ZDHHC22: variants seen among roughly 807,000 people sequenced by gnomAD.
ZDHHC22 encodes zDHHC palmitoyltransferase 22.
A neutral mutation model predicts 17.0 loss-of-function variants in ZDHHC22; 13 were observed. That is an observed-to-expected ratio of 0.76 (90% confidence interval 0.50 to 1.21). ZDHHC22 has a LOEUF of 1.21. Among genes scored for constraint, ZDHHC22 ranks in the 50% most tolerant of loss-of-function variants. ZDHHC22 has a pLI of 0.00. For missense variants in ZDHHC22, 319 were observed against 342.3 expected (o/e 0.93, Z 0.54); for synonymous variants, 138 against 154.7 (o/e 0.89, Z 0.80).
Position 77,141,790 on chromosome 14 carries a change from G to C in ZDHHC22, c.-202C>G, listed in dbSNP as rs1348204446. ...TTCCCACTTGGGCGCCAGCGAGTAA[G>C]GGCCAGGAAGCGGCGGGGATGGCAG... On this transcript the variant is annotated 5_prime_UTR_variant, in exon 1 of 3. Transcript: ENST00000319374. 6.6e-6 allele frequency: 1 copy of C among 152,266 alleles called. No individual in the cohort carries two copies. The highest frequency in any genetic ancestry group is 1.5e-5 in the Non-Finnish European group (1 of 68,080). The allele number at this position is 152,266 out of a possible 1,614,324, so 9.4% of individuals were successfully genotyped here. A position where few individuals can be genotyped will look rare whatever the true frequency, so the allele number is the denominator to read the frequency against.
chr14:77,132,036 GGACATT>G lies in ZDHHC22; in HGVS notation c.*1641_*1646del, dbSNP rs1412591219. On this transcript the variant is annotated 3_prime_UTR_variant, in exon 3 of 3. Coordinates refer to ENST00000319374, the MANE Select transcript of ZDHHC22 (RefSeq NM_174976.2). Reference sequence around the variant, plus strand: ...CAGCGGGTCACTGCAGTTGGCGGTTGGACATTGCAGGGCATGGATTCAGCACTGCTG... The same window carrying G: ...CAGCGGGTCACTGCAGTTGGCGGTTGGCAGGGCATGGATTCAGCACTGCTG... The G allele has an allele frequency of 6.6e-6, 1 of 152,214 alleles. No individual in the cohort carries two copies. Among genetic ancestry groups the G allele is most frequent in the African/African-American group, 2.4e-5 (1 of 41,424 alleles). 9.4% of individuals were successfully genotyped at this position (152,214 alleles called of 1,614,324 possible).
intron 2 of ZDHHC22, among the ~76,000 whole-genome samples, chr14:77,137,085 A>T (rs535646552): frequency 6.6e-6 from 1 of 152,276 alleles, no homozygotes; most frequent in Non-Finnish European, 1.5e-5. Context: ...GGGTGCTACC[A>T]ACTGTTCGGA....
At chr14:77,133,997 C>T (rs1439813079) in intron 2 of ZDHHC22, 49 bp from the exon 3 acceptor site, 3 of 1,506,282 alleles carry the variant, frequency 2.0e-6, no homozygotes, top group Non-Finnish European at 1.8e-6. Context: ...ACACCCAGGC[C>T]ACCGGCATAA....
intron 2 of ZDHHC22, 103 bp from the exon 3 acceptor site, chr14:77,134,051 T>G (rs1455748163): frequency 7.4e-7 from 1 of 1,346,832 alleles, no homozygotes; most frequent in Non-Finnish European, 9.9e-7. Flanking sequence ...GGGAGATTAA[T>G]GAGATTGACG....
chr14:77,134,084 C>G (rs1887089706), intron 2 of ZDHHC22, 136 bp from the exon 3 acceptor site: 1 of 1,165,842 alleles, frequency 8.6e-7, no homozygotes, highest in Non-Finnish European at 1.2e-6. Context: ...GCAACCTCAG[C>G]GCTGCAGCTG....
chr14:77,139,749 A>C lies in ZDHHC22; in HGVS notation c.-11T>G. Reference sequence around the variant, plus strand: ...CCGCAGGGCCAGCATCCTCGATTACATTCCTGCGGGGCCCGGGGTGAGAAG... The same window carrying C: ...CCGCAGGGCCAGCATCCTCGATTACCTTCCTGCGGGGCCCGGGGTGAGAAG... On this transcript the variant is annotated 5_prime_UTR_variant, in exon 2 of 3. It removes an upstream start codon present in the reference 5' UTR. Transcript: ENST00000319374. 6.8e-7 allele frequency: 1 copy of C among 1,480,370 alleles called. No homozygotes were observed. 91.7% of individuals were successfully genotyped at this position (1,480,370 alleles called of 1,614,324 possible). A position where few individuals can be genotyped will look rare whatever the true frequency, so the allele number is the denominator to read the frequency against.
rs1279870813 is a variant in ZDHHC22 at position 77,133,368 on chromosome 14, C to A, written c.*315G>T. On this transcript the variant is annotated 3_prime_UTR_variant, in exon 3 of 3. Coordinates refer to ENST00000319374, the MANE Select transcript of ZDHHC22 (RefSeq NM_174976.2). ...GCAGACAGCAGTGATGAATGAGACA[C>A]GGTGGAGAATGGATGAGCCAGGAAG... is the stretch of plus-strand genomic sequence containing the variant. 9.4e-6 allele frequency: 3 copies of A among 319,274 alleles called. No individual in the cohort carries two copies. Among genetic ancestry groups the A allele is most frequent in the Admixed American group, 4.6e-5 (1 of 21,658 alleles). 19.8% of individuals were successfully genotyped at this position (319,274 alleles called of 1,614,324 possible). A position where few individuals can be genotyped will look rare whatever the true frequency, so the allele number is the denominator to read the frequency against.
chr14:77,137,716 A>G (rs550192924), intron 2 of ZDHHC22, among the ~76,000 whole-genome samples: 2 of 152,328 alleles, frequency 1.3e-5, no homozygotes, highest in South Asian at 4.1e-4. Context: ...GCCAAATGGC[A>G]TGATAGTTCT....
At chr14:77,138,025 C>T (rs931104095) in intron 2 of ZDHHC22, among the ~76,000 whole-genome samples, 2 of 152,146 alleles carry the variant, frequency 1.3e-5, no homozygotes, top group East Asian at 3.8e-4. Context: ...GTCTGAGTCT[C>T]GGTTTCATCA....
rs1306445118 is a variant in ZDHHC22, at chr14:77,140,184, G to A, written c.-14-432C>T. On this transcript the variant is annotated intron_variant, in intron 1 of 2. Transcript: ENST00000319374. The surrounding 1 kb of genome is among the most constrained non-coding windows in gnomAD (Gnocchi z 5.9). ...AGAAAGGGAAGGATTTGGGGTCGGGGGCAGGAGAATCAGCGGCACTTGACC... is the reference window on the plus strand; with the variant it reads ...AGAAAGGGAAGGATTTGGGGTCGGGAGCAGGAGAATCAGCGGCACTTGACC... Among the ~76,000 whole-genome samples the A allele has an allele frequency of 6.6e-6, 1 of 152,106 alleles. No homozygotes were observed. The highest frequency in any genetic ancestry group is 1.5e-5 in the Non-Finnish European group (1 of 67,996).
chr14:77,136,095 T>C (rs1200020775), intron 2 of ZDHHC22, among the ~76,000 whole-genome samples: 5 of 152,202 alleles, frequency 3.3e-5, no homozygotes, highest in Non-Finnish European at 5.9e-5. Context: ...TCACCCAGCA[T>C]ACTTTTTAAT....
chr14:77,135,190 T>TGGGG (rs11350828), intron 2 of ZDHHC22, among the ~76,000 whole-genome samples: 2,842 of 142,616 alleles, frequency 0.02, 68 homozygotes, highest in Admixed American at 0.04. Context: ...CCTCCTCTGG[T>TGGGG]GGGGGGGGGG....
intron 2 of ZDHHC22, 57 bp from the exon 3 acceptor site, chr14:77,134,005 T>A (rs1887087988): frequency 4.0e-6 from 6 of 1,490,340 alleles, no homozygotes; most frequent in Non-Finnish European, 5.4e-6. Flanking sequence ...GCCACCGGCA[T>A]AACTGCGATC....
At chr14:77,135,131 A>T (rs548562720) in intron 2 of ZDHHC22, among the ~76,000 whole-genome samples, 1 of 151,080 alleles carries the variant, frequency 6.6e-6, no homozygotes, top group Admixed American at 6.6e-5. Context: ...CCTGGAGTTA[A>T]TTCGAAAGTA....
chr14:77,138,226 A>G lies in ZDHHC22; in HGVS notation c.526+987T>C, dbSNP rs931202784. ...CCAGGAGCTGAGTCCTTCTAGGGCCAGGTATCAGGTAGTGGTCCTTGGTGC... is the reference window on the plus strand; with the variant it reads ...CCAGGAGCTGAGTCCTTCTAGGGCCGGGTATCAGGTAGTGGTCCTTGGTGC... On this transcript the variant is annotated intron_variant, in intron 2 of 2. Transcript: ENST00000319374. Among the ~76,000 whole-genome samples, 3 of 152,158 alleles carry G rather than the reference A, an allele frequency of 2.0e-5. No individual in the cohort carries two copies. The East Asian group carries it at 5.8e-4, about 29-fold the overall frequency.
intron 2 of ZDHHC22, among the ~76,000 whole-genome samples, chr14:77,135,473 ATTTT>A (rs35783518): frequency 1.3e-5 from 2 of 148,430 alleles, no homozygotes; most frequent in Admixed American, 6.7e-5. Context: ...TAGCTGTATT[ATTTT>A]TTTTTTTTTT....
chr14:77,132,459 C>T lies in ZDHHC22; in HGVS notation c.*1224G>A, dbSNP rs1887045468. 1 of 152,254 alleles carries T rather than the reference C, an allele frequency of 6.6e-6. No homozygotes were observed. Among genetic ancestry groups the T allele is most frequent in the African/African-American group, 2.4e-5 (1 of 41,454 alleles). 9.4% of individuals were successfully genotyped at this position (152,254 alleles called of 1,614,324 possible). On this transcript the variant is annotated 3_prime_UTR_variant, in exon 3 of 3. Transcript: ENST00000319374. ...CTCCCCTCTAGGAAAGCAAATATCT[C>T]ACAGGCATCTCTGCAGATCTTGCCT...
chr14:77,137,343 C>T (rs1887155983), intron 2 of ZDHHC22, among the ~76,000 whole-genome samples: 1 of 152,218 alleles, frequency 6.6e-6, no homozygotes, highest in Non-Finnish European at 1.5e-5. Context: ...TGGCTCTGTT[C>T]TCCCATCAGA....
At chr14:77,139,149 C>T in intron 2 of ZDHHC22, 64 bp downstream of exon 2, 1 of 1,495,922 alleles carries the variant, frequency 6.7e-7, no homozygotes, top group Non-Finnish European at 9.0e-7. Flanking sequence ...GGTTTGGGGC[C>T]CGGCAACCTT....
Sources: allele counts gnomAD v4.1 joint callset (sites outside exome capture counted in the v4.1 genomes callset), GRCh38; gene constraint gnomAD v4.1.1; non-coding constraint Gnocchi (gnomAD v3.1); transcripts MANE v1.5; gene names NCBI Gene and HGNC (gene_info 2026-07-23, HGNC 2026-07-21).